Variants in SIMC1 observed in about 807,000 individuals in gnomAD.
SIMC1 encodes the protein SUMO interacting motifs containing 1, also known as SUMO-interacting motif-containing protein 1.
In SIMC1, 55 loss-of-function variants were observed where a neutral mutation model predicts 82.3. The ratio of observed to expected loss-of-function variants is 0.67; its 90% CI spans 0.54 to 0.84. The LOEUF (loss-of-function observed/expected upper bound fraction) is 0.84, where lower values mean the gene tolerates loss of function less well. Ranked by LOEUF, SIMC1 falls within the 40% of genes least tolerant of loss-of-function variation. The probability of loss-of-function intolerance (pLI) is 0.00; values close to 1 mark genes in which losing one functional copy is unlikely to be tolerated. For missense variants in SIMC1, 915 were observed against 1,107.2 expected (o/e 0.83, Z 2.46); for synonymous variants, 353 against 426.3 (o/e 0.83, Z 2.12).
chr5:176,334,649 T>G (rs1302578555), intron 7 of SIMC1, among the ~76,000 whole-genome samples: 1 of 152,208 alleles, frequency 6.6e-6, no homozygotes, highest in Non-Finnish European at 1.5e-5. Context: ...ACACCTCAGC[T>G]GTCCTAAACT....
chr5:176,251,360 C>T (rs1346508765), intron 1 of SIMC1, among the ~76,000 whole-genome samples: 1 of 152,160 alleles, frequency 6.6e-6, no homozygotes, highest in East Asian at 1.9e-4. Context: ...GAGACTCCAC[C>T]TCAAAAACAA....
chr5:176,277,163 C>T (rs1426380136), intron 1 of SIMC1, among the ~76,000 whole-genome samples: 1 of 151,882 alleles, frequency 6.6e-6, no homozygotes, highest in Non-Finnish European at 1.5e-5. Flanking sequence ...GATGGTATCT[C>T]ATTGTGGTTT....
chr5:176,301,711 AG>A (rs1220190648), intron 4 of SIMC1, among the ~76,000 whole-genome samples: 6 of 150,964 alleles, frequency 4.0e-5, no homozygotes, highest in Non-Finnish European at 3.0e-5. Flanking sequence ...CCCGGGAGGC[AG>A]GGGTTGCAGT....
At chr5:176,308,129 C>A (rs1205528635) in intron 4 of SIMC1, 2 of 962,744 alleles carry the variant, frequency 2.1e-6, no homozygotes, top group Non-Finnish European at 3.3e-6. Context: ...CCTTGTTTGT[C>A]TCAACCATGC....
intron 1 of SIMC1, among the ~76,000 whole-genome samples, chr5:176,259,008 A>G (rs1259981002): frequency 1.3e-5 from 2 of 151,554 alleles, no homozygotes; most frequent in Non-Finnish European, 2.9e-5. Flanking sequence ...TCCATACCAT[A>G]CCATAAAATT....
At chr5:176,280,129 C>G (rs530087631) in intron 1 of SIMC1, among the ~76,000 whole-genome samples, 56 of 152,102 alleles carry the variant, frequency 3.7e-4, no homozygotes, top group Middle Eastern at 3.4e-3. Flanking sequence ...GTAGGTCACT[C>G]AGGACTTGCT....
chr5:176,248,484 T>C (rs1306740450), intron 1 of SIMC1, among the ~76,000 whole-genome samples: 1 of 152,156 alleles, frequency 6.6e-6, no homozygotes, highest in African/African-American at 2.4e-5. Context: ...CTGAAGTTGC[T>C]TATCAGCTTA....
intron 1 of SIMC1, among the ~76,000 whole-genome samples, chr5:176,249,831 G>A (rs1158015990): frequency 9.5e-6 from 1 of 105,026 alleles, no homozygotes; most frequent in African/African-American, 3.8e-5. Flanking sequence ...GCAACAGAGC[G>A]AGATTCCGTC....
chr5:176,314,813 C>G (rs990610715), intron 5 of SIMC1, among the ~76,000 whole-genome samples: 6 of 152,122 alleles, frequency 3.9e-5, no homozygotes, highest in African/African-American at 1.4e-4. Flanking sequence ...GATAACCATT[C>G]AGTAGAAACT....
At chr5:176,253,461 G>A (rs371717856) in intron 1 of SIMC1, among the ~76,000 whole-genome samples, 3 of 152,046 alleles carry the variant, frequency 2.0e-5, no homozygotes, top group East Asian at 1.9e-4. Context: ...TGATCCACCC[G>A]CCTCAGCCTC....
chr5:176,335,415 T>C (rs1239827929), intron 7 of SIMC1, among the ~76,000 whole-genome samples: 2 of 151,006 alleles, frequency 1.3e-5, no homozygotes, highest in Non-Finnish European at 2.9e-5. Context: ...TAGCTGGGAC[T>C]ACAGGTGCAC....
At position 176,290,636 on chromosome 5, in the gene SIMC1, C is replaced by T; in HGVS notation, c.1112C>T (p.Pro371Leu). ...ATCCCTCACTTACCAGGAGACAGGC[C>T]TGACTTTACCCAGAATGATGTACAG... ...RDIPHLPGDR[P>L]DFTQNDVQNR... The change falls in exon 2 of 10, where the codon CCT (proline) becomes CTT (leucine). Residue 371 changes from proline to leucine, a missense_variant. By Grantham distance (98) the Pro-to-Leu change is moderately conservative. Around this residue, in one of 2 missense-constraint regions of SIMC1, gnomAD observed 902 missense variants for 1,040.3 expected, o/e 0.87. Transcript: ENST00000429602. 6.2e-7 allele frequency: 1 copy of T among 1,613,980 alleles called. No individual in the cohort carries two copies. The highest frequency in any genetic ancestry group is 1.3e-5 in the African/African-American group (1 of 75,032).
At chr5:176,252,732 T>C (rs1049706055) in intron 1 of SIMC1, among the ~76,000 whole-genome samples, 37 of 151,978 alleles carry the variant, frequency 2.4e-4, no homozygotes, top group Middle Eastern at 3.4e-3. Flanking sequence ...ACTTCCCAGA[T>C]GGGGTGGCGG....
intron 1 of SIMC1, among the ~76,000 whole-genome samples, chr5:176,240,846 G>A (rs1761255372): frequency 1.1e-5 from 1 of 92,422 alleles, no homozygotes; most frequent in Non-Finnish European, 2.4e-5. Context: ...TACCTAGCAG[G>A]ATGGTTTTAA....
intron 4 of SIMC1, among the ~76,000 whole-genome samples, chr5:176,309,401 A>G (rs1764561506): frequency 6.6e-6 from 1 of 152,252 alleles, no homozygotes; most frequent in African/African-American, 2.4e-5. Context: ...CTTAAATGCA[A>G]TACATAAAAC....
chr5:176,261,710 T>C (rs1762021076), intron 1 of SIMC1, among the ~76,000 whole-genome samples: 3 of 150,952 alleles, frequency 2.0e-5, no homozygotes, highest in African/African-American at 4.9e-5. Context: ...ATCATGCCAC[T>C]GCACTCCAGG....
rs183178568 is a variant in SIMC1, at chr5:176,310,841, G to T, written c.1735-2850G>T. On this transcript the variant is annotated intron_variant, in intron 4 of 9. Coordinates refer to ENST00000429602, the MANE Select transcript of SIMC1 (RefSeq NM_001308195.2). ...CACAAATGAATGCATGTAAAATCTG[G>T]TGATAATGAATAAAGTCTGTAGTCT... 2.5e-3 allele frequency among the ~76,000 whole-genome samples: 384 copies of T among 152,084 alleles called. 3 individuals carry two copies. Among genetic ancestry groups the T allele is most frequent in the African/African-American group, 8.9e-3 (367 of 41,460 alleles).
At chr5:176,275,053 A>T (rs1762624109) in intron 1 of SIMC1, among the ~76,000 whole-genome samples, 2 of 151,670 alleles carry the variant, frequency 1.3e-5, no homozygotes, top group Admixed American at 1.3e-4. Flanking sequence ...TTGAATCTAT[A>T]AATTACCTTG....
rs546879919 is a variant in SIMC1 at position 176,271,663 on chromosome 5, A to G, written c.130-17991A>G. ...TGAATAAGATCTAGTATTTGATAGC[A>G]CAACAAGGTGACTACAGTAAGCAAT... is the stretch of plus-strand genomic sequence containing the variant. On this transcript the variant is annotated intron_variant, in intron 1 of 9. Transcript: ENST00000429602. Among the ~76,000 whole-genome samples the G allele has an allele frequency of 2.0e-5, 3 of 151,674 alleles. No homozygotes were observed. In the South Asian group the frequency reaches 6.2e-4, roughly 31 times the overall value.
Sources: allele counts gnomAD v4.1 joint callset (sites outside exome capture counted in the v4.1 genomes callset), GRCh38; gene constraint gnomAD v4.1.1; regional missense constraint gnomAD v4.1.1; transcripts MANE v1.5; gene names NCBI Gene and HGNC (gene_info 2026-07-23, HGNC 2026-07-21).